Variants in NFRKB observed in about 807,000 individuals in gnomAD.
NFRKB encodes the protein nuclear factor related to kappa-B-binding protein.
A neutral mutation model predicts 135.7 loss-of-function variants in NFRKB; 62 were observed. That is an observed-to-expected ratio of 0.46 (90% CI 0.37 to 0.56). NFRKB has a LOEUF of 0.56. NFRKB is among the 20% of genes least tolerant of loss of function. NFRKB has a pLI of 0.00. For missense variants in NFRKB, 1,545 were observed against 1,662.0 expected, an observed-to-expected ratio of 0.93 and a Z score of 1.22; for synonymous variants, 678 against 635.6, an observed-to-expected ratio of 1.07 and a Z score of -1.00.
At position 129,864,680 on chromosome 11, in the gene NFRKB, G is replaced by A. The variant is rs572858994; in HGVS notation, c.*45C>T. 6 of 1,613,050 alleles carry A rather than the reference G, an allele frequency of 3.7e-6. No individual in the cohort carries two copies. In the South Asian group the frequency reaches 6.6e-5, roughly 18 times the overall value. On this transcript the variant is annotated 3_prime_UTR_variant, in exon 27 of 27. Transcript: ENST00000682444. ...ACCTCCCTGGTCCCTTCTCAGCCAGGACAGACCAGGCATGGTCTTTCACGG... is the reference window on the plus strand; with the variant it reads ...ACCTCCCTGGTCCCTTCTCAGCCAGAACAGACCAGGCATGGTCTTTCACGG...
chr11:129,892,041 CCTTT>C (rs937167995), intron 3 of NFRKB, among the ~76,000 whole-genome samples: 7 of 145,472 alleles, frequency 4.8e-5, no homozygotes, highest in South Asian at 2.3e-4. Flanking sequence ...ATAATTTCTT[CCTTT>C]TTTTTTTCTA....
rs374919470 is a variant in NFRKB, at chr11:129,878,284, C to T, written c.1511+25G>A. 2.5e-6 allele frequency: 4 copies of T among 1,611,466 alleles called. No homozygotes were observed. The African/African-American group carries it at 5.4e-5, about 22-fold the overall frequency. On this transcript the variant is annotated intron_variant, in intron 15 of 26. Coordinates refer to ENST00000682444, the MANE Select transcript of NFRKB (RefSeq NM_001143835.2). The stretch of plus-strand genomic sequence containing the variant: ...TGAACTACAGTTTCCCAGGACACCA[C>T]CCACCACTACAGTATTGTACTCACA...
intron 1 of NFRKB, among the ~76,000 whole-genome samples, chr11:129,894,666 C>G (rs1949695891): frequency 1.3e-5 from 2 of 152,230 alleles, no homozygotes. Flanking sequence ...CCCCAAGCAA[C>G]TGTGCCCCCT....
intron 16 of NFRKB, 58 bp downstream of exon 16, chr11:129,877,267 A>G: frequency 6.6e-7 from 1 of 1,511,168 alleles, no homozygotes; most frequent in Non-Finnish European, 9.2e-7. Flanking sequence ...TCAGGCTCAG[A>G]GCATCTCTCT....
Position 129,870,121 on chromosome 11 carries a change from C to G in NFRKB, c.2904G>C (p.Thr968=), listed in dbSNP as rs1462685816. 1.2e-6 allele frequency: 2 copies of G among 1,614,154 alleles called. No individual in the cohort carries two copies. The highest frequency in any genetic ancestry group is 2.7e-5 in the African/African-American group (2 of 74,952). Residue 968 remains threonine (T), a synonymous_variant, in exon 24 of 27, where the codon ACG becomes ACC. Transcript: ENST00000682444. ...SSITTDAKGQ[T]VLRITPDMMA... The stretch of plus-strand genomic sequence containing the variant: ...TCATGTCCGGAGTGATTCGCAGAAC[C>G]GTCTGGCCCTTGGCATCTGTGGTGA...
rs764516795 is a variant in NFRKB at position 129,882,503 on chromosome 11, C to A, written c.1030G>T (p.Ala344Ser). 6.2e-7 allele frequency: 1 copy of A among 1,614,000 alleles called. No individual in the cohort carries two copies. Among genetic ancestry groups the A allele is most frequent in the East Asian group, 2.2e-5 (1 of 44,890 alleles). The change falls in exon 10 of 27, where the codon GCA (alanine) becomes TCA (serine). Residue 344 changes from alanine to serine, a missense_variant. This residue lies in a region of NFRKB where 678 missense variants were observed against 646.7 expected (regional missense o/e 1.05). Coordinates refer to ENST00000682444, the MANE Select transcript of NFRKB (RefSeq NM_001143835.2). The stretch of plus-strand genomic sequence containing the variant: ...GGAGAGGGGGCCTGTGAGAGAGGTG[C>A]GACCCCTTCAGTACTGCTTAGCGGC... ...AEPLSSTEGV[A>S]PLSQAPSPLA...
intron 13 of NFRKB, among the ~76,000 whole-genome samples, chr11:129,878,760 C>T (rs1394251369): frequency 2.6e-5 from 4 of 152,210 alleles, no homozygotes; most frequent in East Asian, 1.9e-4. Flanking sequence ...CGTAGGCATT[C>T]GCTGAGTATC....
intron 12 of NFRKB, 73 bp from the exon 13 acceptor site, chr11:129,881,581 C>T (rs892807126): frequency 6.9e-6 from 11 of 1,601,570 alleles, no homozygotes; most frequent in African/African-American, 1.3e-5. Flanking sequence ...TTGAGTGTTC[C>T]ACAATGTATT....
At chr11:129,885,331 G>A (rs1949222430) in intron 6 of NFRKB, 104 bp downstream of exon 6, 1 of 1,320,924 alleles carries the variant, frequency 7.6e-7, no homozygotes, top group African/African-American at 1.5e-5. Context: ...AACTCAAGAG[G>A]GTTTCTTTGC....
intron 4 of NFRKB, among the ~76,000 whole-genome samples, chr11:129,886,780 CG>C (rs1949299506): frequency 1.3e-5 from 2 of 152,122 alleles, no homozygotes; most frequent in Non-Finnish European, 2.9e-5. Flanking sequence ...CATACTGTTT[CG>C]GGGGAAACAT....
In NFRKB at chr11:129,874,659, C is replaced by T; in HGVS notation, c.1979-79G>A. On this transcript the variant is annotated intron_variant, in intron 19 of 26. Transcript: ENST00000682444. This position sits in a 1 kb window ranked among gnomAD's most constrained non-coding sequence, Gnocchi z 4.5. ...AGAGGGGCTTTGTTAAAAACCAACA[C>T]CTTGCCAGTGGACTGAATCCTGCCT... 3 of 1,603,220 alleles carry T rather than the reference C, an allele frequency of 1.9e-6. No individual in the cohort carries two copies. The highest frequency in any genetic ancestry group is 2.2e-5 in the East Asian group (1 of 44,804).
At chr11:129,895,427 C>G (rs1949728871) in intron 1 of NFRKB, 69 bp downstream of exon 1, 1 of 153,190 alleles carries the variant, frequency 6.5e-6, no homozygotes. Flanking sequence ...CGGACCCAGC[C>G]GCCCGCTCCC....
chr11:129,883,826 G>A (rs1330114947), intron 8 of NFRKB, among the ~76,000 whole-genome samples: 4 of 152,184 alleles, frequency 2.6e-5, no homozygotes, highest in East Asian at 1.9e-4. Flanking sequence ...AGGTGGAGAC[G>A]ATTCCTATAC....
chr11:129,893,793 C>A (rs533658723), intron 2 of NFRKB, among the ~76,000 whole-genome samples: 1 of 152,340 alleles, frequency 6.6e-6, no homozygotes, highest in African/African-American at 2.4e-5. Flanking sequence ...AGGTCAGTAA[C>A]TTGCCCAACC....
At chr11:129,888,554 T>C in intron 4 of NFRKB, 40 bp downstream of exon 4, 1 of 1,574,988 alleles carries the variant, frequency 6.3e-7, no homozygotes, top group African/African-American at 1.3e-5. Context: ...CGTGTGCCCA[T>C]CCACCACCCC....
In NFRKB at chr11:129,870,239, C is replaced by T. The variant is rs745699990; in HGVS notation, c.2786G>A (p.Gly929Asp). 1.2e-6 allele frequency: 2 copies of T among 1,613,632 alleles called. No individual in the cohort carries two copies. Among genetic ancestry groups the T allele is most frequent in the Non-Finnish European group, 1.7e-6 (2 of 1,179,594 alleles). ...IKQVAITGQL[G>D]VKPQTGNSIP... is the part of the protein sequence containing the mutation. ...GCTGTTGCCTGTTTGGGGCTTCACA[C>T]CAAGCTGCCCAGTGATTGCCACCTG... Residue 929 changes from glycine to aspartate, a missense_variant, in exon 24 of 27, where the codon GGT (glycine) becomes GAT (aspartate). By Grantham distance (94) the Gly-to-Asp change is moderately conservative. Around this residue, in one of 3 missense-constraint regions of NFRKB, gnomAD observed 753 missense variants for 804.3 expected, o/e 0.94. Transcript: ENST00000682444.
chr11:129,895,218 C>T (rs1007858819), intron 1 of NFRKB, among the ~76,000 whole-genome samples: 1 of 152,208 alleles, frequency 6.6e-6, no homozygotes, highest in African/African-American at 2.4e-5. Context: ...ACCGCCGGCT[C>T]CAAAGCCCTC....
Position 129,865,092 on chromosome 11 carries a change from C to T in NFRKB, c.3648G>A (p.Gly1216=), listed in dbSNP as rs968541674. 2.9e-5 allele frequency: 47 copies of T among 1,608,850 alleles called. No individual in the cohort carries two copies. Among genetic ancestry groups the T allele is most frequent in the Non-Finnish European group, 3.6e-5 (42 of 1,177,184 alleles). Residue 1216 remains glycine, a synonymous_variant, in exon 26 of 27, where the codon GGG becomes GGA. Coordinates refer to ENST00000682444, the MANE Select transcript of NFRKB (RefSeq NM_001143835.2). ...IKGNLGANLS[G]LGRNIILTTM... is the part of the protein sequence containing the mutation. ...TTGTGAGGATGATGTTGCGGCCCAA[C>T]CCACTGAGGCTGTGGAGGGAAAGCA...
chr11:129,882,747 T>A (rs1949090409), intron 9 of NFRKB, 116 bp from the exon 10 acceptor site: 1 of 1,098,472 alleles, frequency 9.1e-7, no homozygotes, highest in South Asian at 1.5e-5. Context: ...GTCTCAGTAA[T>A]AAAACACTCA....
Sources: allele counts gnomAD v4.1 joint callset (sites outside exome capture counted in the v4.1 genomes callset), GRCh38; gene constraint gnomAD v4.1.1; regional missense constraint gnomAD v4.1.1; non-coding constraint Gnocchi (gnomAD v3.1); transcripts MANE v1.5; gene names NCBI Gene and HGNC (gene_info 2026-07-23, HGNC 2026-07-21).